Variants in CDH13 observed in about 807,000 individuals in gnomAD.
CDH13 encodes the protein cadherin-13.
A neutral mutation model predicts 63.8 loss-of-function variants in CDH13; 24 were observed. That is an observed-to-expected ratio of 0.38 (90% CI 0.27 to 0.53). CDH13 has a LOEUF of 0.53. Among genes scored for constraint, CDH13 ranks in the 20% least tolerant of loss-of-function variants. The pLI is 0.85. For missense variants in CDH13, 1,049 were observed against 903.1 expected (o/e 1.16, Z -2.07); for synonymous variants, 503 against 355.3 (o/e 1.42, Z -4.67).
intron 4 of CDH13, among the ~76,000 whole-genome samples, chr16:83,210,669 G>A (rs563753089): frequency 1.3e-5 from 2 of 152,040 alleles, no homozygotes; most frequent in South Asian, 4.2e-4. Flanking sequence ...ATGACTTGCA[G>A]AACTTGGCAA....
At chr16:82,941,908 T>A (rs573924987) in intron 2 of CDH13, among the ~76,000 whole-genome samples, 39 of 152,304 alleles carry the variant, frequency 2.6e-4, no homozygotes, top group African/African-American at 9.1e-4. Flanking sequence ...GAAACTTCCC[T>A]CAGTGGTAAT....
At chr16:83,211,612 T>C (rs1343466292) in intron 4 of CDH13, among the ~76,000 whole-genome samples, 3 of 152,262 alleles carry the variant, frequency 2.0e-5, no homozygotes, top group East Asian at 3.9e-4. Context: ...ATTGGCTTTG[T>C]CCATATTGTG....
intron 4 of CDH13, among the ~76,000 whole-genome samples, chr16:83,212,788 C>T (rs1014744916): frequency 5.3e-5 from 8 of 152,146 alleles, no homozygotes; most frequent in African/African-American, 1.9e-4. Context: ...CAGCAATTCT[C>T]CCCCTACCCT....
At chr16:83,747,581 TTGTC>T (rs1380486193) in intron 10 of CDH13, among the ~76,000 whole-genome samples, 1 of 148,846 alleles carries the variant, frequency 6.7e-6, no homozygotes, top group Non-Finnish European at 1.5e-5. Context: ...TCTTCCTGGT[TTGTC>T]TGTCCTCTCA....
intron 3 of CDH13, among the ~76,000 whole-genome samples, chr16:83,085,985 C>T (rs1000448918): frequency 3.3e-5 from 5 of 152,168 alleles, no homozygotes; most frequent in South Asian, 2.1e-4. Context: ...GAGAGTTAAA[C>T]GTATTTGTCT....
At chr16:83,039,208 C>G (rs1019726381) in intron 3 of CDH13, among the ~76,000 whole-genome samples, 8 of 152,348 alleles carry the variant, frequency 5.3e-5, no homozygotes, top group South Asian at 2.1e-4. Flanking sequence ...TGCACCTGAT[C>G]ACTTCGCTCC....
At chr16:82,628,616 C>T (rs926483038) in intron 1 of CDH13, among the ~76,000 whole-genome samples, 10 of 152,128 alleles carry the variant, frequency 6.6e-5, no homozygotes. Flanking sequence ...TAAGGACTGC[C>T]CAGTTATAGC....
intron 8 of CDH13, among the ~76,000 whole-genome samples, chr16:83,661,381 G>T (rs1913427976): frequency 6.6e-6 from 1 of 151,878 alleles, no homozygotes; most frequent in African/African-American, 2.4e-5. Context: ...TACTAGGGAT[G>T]CTGAGGCACA....
At chr16:83,644,798 G>C (rs1053305792) in intron 8 of CDH13, among the ~76,000 whole-genome samples, 1 of 152,202 alleles carries the variant, frequency 6.6e-6, no homozygotes, top group Non-Finnish European at 1.5e-5. Context: ...CAATTGGACG[G>C]ATACTAATAT....
intron 8 of CDH13, among the ~76,000 whole-genome samples, chr16:83,653,364 G>T (rs909410570): frequency 5.9e-5 from 9 of 152,058 alleles, no homozygotes; most frequent in Admixed American, 5.9e-4. Context: ...CATGTCTAAA[G>T]ACTATAGGGG....
At chr16:83,055,029 CA>C (rs1263140079) in intron 3 of CDH13, among the ~76,000 whole-genome samples, 4 of 151,552 alleles carry the variant, frequency 2.6e-5, no homozygotes, top group South Asian at 2.1e-4. Context: ...AAATTAATAA[CA>C]AAAAAACTAA....
At chr16:83,651,935 G>A (rs914939176) in intron 8 of CDH13, among the ~76,000 whole-genome samples, 12 of 152,126 alleles carry the variant, frequency 7.9e-5, no homozygotes, top group Admixed American at 6.5e-5. Context: ...ACTGGAGTGC[G>A]TCTCTCCTCA....
chr16:82,875,720 A>C (rs1597870888), intron 2 of CDH13, among the ~76,000 whole-genome samples: 1 of 152,228 alleles, frequency 6.6e-6, no homozygotes, highest in Admixed American at 6.5e-5. Context: ...GGGGACCAAT[A>C]AAATGATAAG....
intron 6 of CDH13, among the ~76,000 whole-genome samples, chr16:83,483,548 T>C (rs776855140): frequency 6.6e-6 from 1 of 151,930 alleles, no homozygotes; most frequent in Non-Finnish European, 1.5e-5. Flanking sequence ...ATACCTTCCA[T>C]GACTTCAATT....
chr16:82,828,580 C>G lies in CDH13; in HGVS notation c.46-29782C>G, dbSNP rs1031196379. Among the ~76,000 whole-genome samples the G allele has an allele frequency of 2.0e-5, 3 of 151,948 alleles. No homozygotes were observed. The South Asian group carries it at 6.2e-4, about 32-fold the overall frequency. On this transcript the variant is annotated intron_variant, in intron 1 of 13. Transcript: ENST00000567109. Reference sequence around the variant, plus strand: ...AGGCAGAGGTTGCAGTGAGATCACACCACTGCACTCCAGCCTGGGCAACAG... The same window carrying G: ...AGGCAGAGGTTGCAGTGAGATCACAGCACTGCACTCCAGCCTGGGCAACAG...
chr16:83,489,820 T>A (rs191458342), intron 7 of CDH13, among the ~76,000 whole-genome samples: 10 of 152,262 alleles, frequency 6.6e-5, no homozygotes, highest in Admixed American at 6.5e-4. Flanking sequence ...AATACAGACT[T>A]TTGCAGCATT....
At chr16:83,156,133 A>G (rs1199133010) in intron 4 of CDH13, among the ~76,000 whole-genome samples, 1 of 152,226 alleles carries the variant, frequency 6.6e-6, no homozygotes, top group Admixed American at 6.5e-5. Flanking sequence ...TCTTCAGCAC[A>G]AAGAGGCTTG....
At chr16:83,172,269 T>C (rs977431622) in intron 4 of CDH13, among the ~76,000 whole-genome samples, 8 of 152,068 alleles carry the variant, frequency 5.3e-5, no homozygotes, top group African/African-American at 1.9e-4. Context: ...GGCAGGCAGA[T>C]CACTTGAGGT....
intron 1 of CDH13, chr16:82,704,949 C>T: frequency 2.9e-6 from 1 of 347,910 alleles, no homozygotes; most frequent in Non-Finnish European, 5.6e-6. Flanking sequence ...TGACAGACAC[C>T]TAAGGCAGAC....
Sources: allele counts gnomAD v4.1 joint callset (sites outside exome capture counted in the v4.1 genomes callset), GRCh38; gene constraint gnomAD v4.1.1; transcripts MANE v1.5; gene names NCBI Gene and HGNC (gene_info 2026-07-23, HGNC 2026-07-21).